Variants in ZC3H14 observed in about 807,000 individuals in gnomAD.
ZC3H14 encodes the protein zinc finger CCCH-type containing 14, also known as zinc finger CCCH domain-containing protein 14.
A neutral mutation model predicts 92.4 loss-of-function variants in ZC3H14; 31 were observed. The ratio of observed to expected loss-of-function variants is 0.34; its 90% CI spans 0.25 to 0.45. ZC3H14 has a LOEUF of 0.45. Among genes scored for constraint, ZC3H14 ranks in the 20% least tolerant of loss-of-function variants. The pLI is 1.00. For synonymous variants in ZC3H14, 321 were observed against 300.9 expected (o/e 1.07, Z -0.69); for missense variants, 781 against 897.3 (o/e 0.87, Z 1.66).
At chr14:88,594,759 T>C (rs565303355) in intron 9 of ZC3H14, 1 of 1,614,096 alleles carries the variant, frequency 6.2e-7, no homozygotes, top group African/African-American at 1.3e-5. Context: ...CATCACCACC[T>C]CTACCAATTT....
chr14:88,610,950 C>T lies in ZC3H14; in HGVS notation c.2204+10C>T. The T allele has an allele frequency of 6.4e-7, 1 of 1,570,708 alleles. No individual in the cohort carries two copies. Among genetic ancestry groups the T allele is most frequent in the Non-Finnish European group, 8.7e-7 (1 of 1,144,242 alleles). ...TTCGACCTCAAACCAGGTAAACATT[C>T]AAATTCGTTTTTCTCATGTCAGTTC... On this transcript the variant is annotated intron_variant, in intron 16 of 16. Transcript: ENST00000251038.
chr14:88,582,775 A>G (rs1333284538), intron 9 of ZC3H14, among the ~76,000 whole-genome samples: 1 of 152,182 alleles, frequency 6.6e-6, no homozygotes, highest in Non-Finnish European at 1.5e-5. Flanking sequence ...TATATTCACA[A>G]GTGTGAAGTG....
intron 9 of ZC3H14, chr14:88,592,025 T>C (rs1166006437): frequency 6.6e-6 from 1 of 152,224 alleles, no homozygotes; most frequent in Non-Finnish European, 1.5e-5. Flanking sequence ...ACATAAGCTT[T>C]CTCTGCTGAT....
At position 88,615,728 on chromosome 14, in the gene ZC3H14, GCAC is replaced by G. The variant is rs1595171380; in HGVS notation, c.*3981_*3983del. The G allele has an allele frequency of 8.1e-7, 1 of 1,230,242 alleles. No individual in the cohort carries two copies. The highest frequency in any genetic ancestry group is 1.2e-6 in the Non-Finnish European group (1 of 866,912). 76.2% of individuals were successfully genotyped at this position (1,230,242 alleles called of 1,614,324 possible). A position where few individuals can be genotyped will look rare whatever the true frequency, so the allele number is the denominator to read the frequency against. On this transcript the variant is annotated 3_prime_UTR_variant, in exon 17 of 17. Transcript: ENST00000251038. Reference sequence around the variant, plus strand: ...TTCTCCCTGTTACAGTCTTGGGTTAGCACCACTTGACCATGCAGGGTTGGGTTT... The same window carrying G: ...TTCTCCCTGTTACAGTCTTGGGTTAGCACTTGACCATGCAGGGTTGGGTTT...
rs1215335737 is a variant in ZC3H14 at position 88,624,756 on chromosome 14, A to C, written c.*13005A>C. 1.8e-6 allele frequency: 1 copy of C among 541,458 alleles called. No homozygotes were observed. The highest frequency in any genetic ancestry group is 1.9e-5 in the African/African-American group (1 of 52,058). 33.5% of individuals were successfully genotyped at this position (541,458 alleles called of 1,614,324 possible). ...CAACTACCTATCCACACCTCAGAAA[A>C]AGTATCACCCCAACATGAAAAAAAT... On this transcript the variant is annotated 3_prime_UTR_variant, in exon 17 of 17. Coordinates refer to ENST00000251038, the MANE Select transcript of ZC3H14 (RefSeq NM_024824.5).
intron 9 of ZC3H14, among the ~76,000 whole-genome samples, chr14:88,592,625 C>T (rs1319220665): frequency 5.3e-5 from 8 of 151,120 alleles, no homozygotes; most frequent in South Asian, 4.2e-4. Flanking sequence ...CTCAGCCTCC[C>T]GAGTAGCTGG....
intron 10 of ZC3H14, 90 bp downstream of exon 10, chr14:88,596,898 T>G: frequency 3.8e-6 from 4 of 1,052,086 alleles, no homozygotes; most frequent in Non-Finnish European, 6.0e-6. Context: ...TCGGATCTCT[T>G]AGATCCTGCC....
intron 9 of ZC3H14, among the ~76,000 whole-genome samples, chr14:88,583,244 A>G (rs2082124351): frequency 6.6e-6 from 1 of 151,298 alleles, no homozygotes; most frequent in Non-Finnish European, 1.5e-5. Flanking sequence ...TGATCCTCCC[A>G]CCTCAGGGAC....
intron 12 of ZC3H14, among the ~76,000 whole-genome samples, 181 bp downstream of exon 12, chr14:88,603,241 T>G (rs1172171403): frequency 6.6e-6 from 1 of 152,220 alleles, no homozygotes; most frequent in Non-Finnish European, 1.5e-5. Flanking sequence ...CTGTGTCTTT[T>G]TCATAGGTGG....
intron 10 of ZC3H14, among the ~76,000 whole-genome samples, chr14:88,600,739 G>A (rs911070883): frequency 1.3e-5 from 2 of 152,194 alleles, no homozygotes; most frequent in Admixed American, 1.3e-4. Flanking sequence ...GACATGAACC[G>A]CCACACCAGG....
intron 8 of ZC3H14, 112 bp from the exon 9 acceptor site, chr14:88,577,873 C>G: frequency 7.1e-7 from 1 of 1,414,742 alleles, no homozygotes; most frequent in Non-Finnish European, 9.9e-7. Flanking sequence ...CCAGCCTGAA[C>G]TCATATGTCC....
rs979908678 is a variant in ZC3H14 at position 88,627,315 on chromosome 14, A to G, written c.*15564A>G. The stretch of plus-strand genomic sequence containing the variant: ...AATATTATCCTGCTGATCTGCCATT[A>G]TCATTAGAAATATACATAATTTTCA... On this transcript the variant is annotated 3_prime_UTR_variant, in exon 17 of 17. Coordinates refer to ENST00000251038, the MANE Select transcript of ZC3H14 (RefSeq NM_024824.5). 70 of 485,426 alleles carry G rather than the reference A, an allele frequency of 1.4e-4. No individual in the cohort carries two copies. The highest frequency in any genetic ancestry group is 2.1e-4 in the Non-Finnish European group (57 of 275,154). 30.1% of individuals were successfully genotyped at this position (485,426 alleles called of 1,614,324 possible).
At position 88,627,208 on chromosome 14, in the gene ZC3H14, T is replaced by C; in HGVS notation, c.*15457T>C. On this transcript the variant is annotated 3_prime_UTR_variant, in exon 17 of 17. Transcript: ENST00000251038. ...GCAATACATGATTTACAATTATTTGTGTATTGAGTCCTTTTCACTTATCTT... is the reference window on the plus strand; with the variant it reads ...GCAATACATGATTTACAATTATTTGCGTATTGAGTCCTTTTCACTTATCTT... The C allele has an allele frequency of 4.6e-6, 3 of 655,492 alleles. No homozygotes were observed. The highest frequency in any genetic ancestry group is 4.0e-4 in the Middle Eastern group (1 of 2,488). The allele number at this position is 655,492 out of a possible 1,614,324, so 40.6% of individuals were successfully genotyped here. A position where few individuals can be genotyped will look rare whatever the true frequency, so the allele number is the denominator to read the frequency against.
intron 9 of ZC3H14, among the ~76,000 whole-genome samples, chr14:88,581,671 A>T (rs2081928026): frequency 1.3e-5 from 2 of 152,200 alleles, no homozygotes; most frequent in African/African-American, 4.8e-5. Flanking sequence ...AACATCCCAG[A>T]TAGCAAAGAA....
chr14:88,598,078 CTT>C (rs1310374754), intron 10 of ZC3H14, among the ~76,000 whole-genome samples: 1 of 152,116 alleles, frequency 6.6e-6, no homozygotes, highest in Non-Finnish European at 1.5e-5. Context: ...CCTGCTTCGT[CTT>C]GTTTTCTCTA....
intron 12 of ZC3H14, among the ~76,000 whole-genome samples, chr14:88,604,434 C>T (rs999017636): frequency 6.6e-6 from 1 of 152,070 alleles, no homozygotes; most frequent in Non-Finnish European, 1.5e-5. Flanking sequence ...TCTCTAGTCT[C>T]TGCACCACTT....
rs2089843173 is a variant in ZC3H14, at chr14:88,625,738, T to C, written c.*13987T>C. ...GCCTGGCCTGGTCTTATATTAAGAA[T>C]ACCCAAAATGTTCAACTGAAATTTG... On this transcript the variant is annotated 3_prime_UTR_variant, in exon 17 of 17. Transcript: ENST00000251038. 6.6e-6 allele frequency: 1 copy of C among 152,220 alleles called. No individual in the cohort carries two copies. The highest frequency in any genetic ancestry group is 6.5e-5 in the Admixed American group (1 of 15,282). 9.4% of individuals were successfully genotyped at this position (152,220 alleles called of 1,614,324 possible).
In ZC3H14 at chr14:88,615,551, C is replaced by T. The variant is rs1210708952; in HGVS notation, c.*3800C>T. ...AGGTCTGCCGAAATCACACACTTCC[C>T]AATACAGGGGGACTTGGCCTTTACC... On this transcript the variant is annotated 3_prime_UTR_variant, in exon 17 of 17. Coordinates refer to ENST00000251038, the MANE Select transcript of ZC3H14 (RefSeq NM_024824.5). 5 of 386,342 alleles carry T rather than the reference C, an allele frequency of 1.3e-5. No homozygotes were observed. The highest frequency in any genetic ancestry group is 1.4e-5 in the Non-Finnish European group (3 of 217,370). The allele number at this position is 386,342 out of a possible 1,614,324, so 23.9% of individuals were successfully genotyped here.
chr14:88,624,858 G>A lies in ZC3H14; in HGVS notation c.*13107G>A, dbSNP rs200252116. 2.6e-5 allele frequency: 30 copies of A among 1,158,004 alleles called. No homozygotes were observed. The highest frequency in any genetic ancestry group is 5.2e-5 in the East Asian group (2 of 38,444). The allele number at this position is 1,158,004 out of a possible 1,614,324, so 71.7% of individuals were successfully genotyped here. A position where few individuals can be genotyped will look rare whatever the true frequency, so the allele number is the denominator to read the frequency against. ...GTAATAAAGGAGAAGCATATGAGGA[G>A]GAAGGTCGGAGAGGACACTCTGTGT... On this transcript the variant is annotated 3_prime_UTR_variant, in exon 17 of 17. Coordinates refer to ENST00000251038, the MANE Select transcript of ZC3H14 (RefSeq NM_024824.5).
Sources: allele counts gnomAD v4.1 joint callset (sites outside exome capture counted in the v4.1 genomes callset), GRCh38; gene constraint gnomAD v4.1.1; transcripts MANE v1.5; gene names NCBI Gene and HGNC (gene_info 2026-07-23, HGNC 2026-07-21).